Variants in COL25A1 observed in about 807,000 individuals in gnomAD.
The protein encoded by COL25A1 is collagen alpha-1(XXV) chain.
Under a neutral mutation model 128.4 loss-of-function variants are expected in COL25A1, and 103 were observed. That is an observed-to-expected ratio of 0.80 (90% confidence interval 0.68 to 0.94). The LOEUF is 0.94. Among genes scored for constraint, COL25A1 ranks in the 40% least tolerant of loss-of-function variants. The pLI, the probability that COL25A1 is intolerant of heterozygous loss-of-function variation, is 0.00. For synonymous variants in COL25A1, 279 were observed against 277.2 expected (o/e 1.01, Z -0.06); for missense variants, 745 against 840.0 (o/e 0.89, Z 1.40).
intron 19 of COL25A1, among the ~76,000 whole-genome samples, chr4:108,878,490 C>G (rs1739724537): frequency 6.6e-6 from 1 of 152,242 alleles, no homozygotes; most frequent in South Asian, 2.1e-4. Flanking sequence ...CAGCATGATA[C>G]CTGCTTTTGA....
At chr4:109,208,495 A>AC (rs953553669) in intron 3 of COL25A1, among the ~76,000 whole-genome samples, 6 of 151,818 alleles carry the variant, frequency 4.0e-5, no homozygotes, top group Admixed American at 6.6e-5. Context: ...AAAAAAAAAA[A>AC]AACAAATTAT....
At position 108,859,726 on chromosome 4, in the gene COL25A1, G is replaced by C. The variant is rs369465816; in HGVS notation, c.1250C>G (p.Pro417Arg). Residue 417 changes from proline to arginine, a missense_variant, in exon 24 of 38, where the codon CCT (proline) becomes CGT (arginine). Around this residue, in one of 3 missense-constraint regions of COL25A1, gnomAD observed 387 missense variants for 441.9 expected, o/e 0.88. Coordinates refer to ENST00000399132, the MANE Select transcript of COL25A1 (RefSeq NM_198721.4). ...DSGAQGPRGP[P>R]GQKGDQGATE... ...GGCTCCTTGATCCCCTTTTTGACCA[G>C]GTGGACCCTATGACAAAACCAATCA... The C allele has an allele frequency of 6.2e-7, 1 of 1,613,690 alleles. No individual in the cohort carries two copies. Among genetic ancestry groups the C allele is most frequent in the Non-Finnish European group, 8.5e-7 (1 of 1,179,806 alleles).
chr4:108,984,945 G>C (rs2126003745), intron 6 of COL25A1, among the ~76,000 whole-genome samples: 1 of 152,344 alleles, frequency 6.6e-6, no homozygotes, highest in African/African-American at 2.4e-5. Flanking sequence ...GTTTTATGAA[G>C]GGCCCCTAAG....
intron 3 of COL25A1, among the ~76,000 whole-genome samples, chr4:109,153,389 A>C (rs1016681130): frequency 9.9e-5 from 15 of 152,030 alleles, no homozygotes; most frequent in African/African-American, 3.6e-4. Flanking sequence ...CTCAAAAAAA[A>C]AAAAAAAAAA....
intron 3 of COL25A1, among the ~76,000 whole-genome samples, chr4:109,293,218 T>G (rs555085964): frequency 6.6e-6 from 1 of 152,044 alleles, no homozygotes; most frequent in Non-Finnish European, 1.5e-5. Context: ...AATACAAAGC[T>G]ATAACAGAGA....
At chr4:109,257,363 A>T (rs1490271360) in intron 3 of COL25A1, among the ~76,000 whole-genome samples, 2 of 152,238 alleles carry the variant, frequency 1.3e-5, no homozygotes, top group East Asian at 3.8e-4. Context: ...TGCTTAAAAC[A>T]GAAAGATAAT....
In COL25A1 at chr4:109,298,148, G is replaced by A. The variant is rs74989775; in HGVS notation, c.367+2435C>T. ...GTAAAATGAGACTGCTAATACTTCA[G>A]TCAGGGTCATTGTGAAAATTAAATT... On this transcript the variant is annotated intron_variant, in intron 3 of 37. Transcript: ENST00000399132. Among the ~76,000 whole-genome samples the A allele has an allele frequency of 8.6e-5, 13 of 152,010 alleles. No homozygotes were observed. The East Asian group carries it at 2.3e-3, about 27-fold the overall frequency.
intron 3 of COL25A1, among the ~76,000 whole-genome samples, chr4:109,228,991 T>A (rs1356961129): frequency 1.3e-5 from 2 of 152,196 alleles, no homozygotes; most frequent in Non-Finnish European, 2.9e-5. Flanking sequence ...TTTTATACAA[T>A]CATATGGTAA....
Position 108,898,859 on chromosome 4 carries a change from G to A in COL25A1, c.861+295C>T, listed in dbSNP as rs1053929526. On this transcript the variant is annotated intron_variant, in intron 15 of 37. Coordinates refer to ENST00000399132, the MANE Select transcript of COL25A1 (RefSeq NM_198721.4). The stretch of plus-strand genomic sequence containing the variant: ...TAAATATTTGTTCTGAAGGTACATC[G>A]GCACCTTTCTCTTTATTTTTTAAAA... Among the ~76,000 whole-genome samples the A allele has an allele frequency of 8.6e-5, 13 of 151,892 alleles. No homozygotes were observed. The South Asian group carries it at 1.5e-3, about 17-fold the overall frequency.
At chr4:109,049,906 T>C (rs1236697514) in intron 4 of COL25A1, among the ~76,000 whole-genome samples, 1 of 152,226 alleles carries the variant, frequency 6.6e-6, no homozygotes, top group Non-Finnish European at 1.5e-5. Flanking sequence ...CAATTGTTAC[T>C]AAACTGCAAT....
chr4:109,028,648 C>A (rs1758542169), intron 5 of COL25A1, among the ~76,000 whole-genome samples: 1 of 152,032 alleles, frequency 6.6e-6, no homozygotes, highest in South Asian at 2.1e-4. Flanking sequence ...ATTACTTGAA[C>A]CCAGGAGGCG....
In COL25A1 at chr4:109,295,314, G is replaced by A. The variant is rs117950506; in HGVS notation, c.367+5269C>T. Reference sequence around the variant, plus strand: ...GCTGTCACTCCTGGACCAACTAAAAGTGTTAGATCCACACTGTTGTACTCA... The same window carrying A: ...GCTGTCACTCCTGGACCAACTAAAAATGTTAGATCCACACTGTTGTACTCA... On this transcript the variant is annotated intron_variant, in intron 3 of 37. Transcript: ENST00000399132. Among the ~76,000 whole-genome samples, 1,234 of 151,904 alleles carry A rather than the reference G, an allele frequency of 8.1e-3. 44 individuals are homozygous for A. In the South Asian group the frequency reaches 0.13, roughly 16 times the overall value.
intron 6 of COL25A1, among the ~76,000 whole-genome samples, chr4:109,006,714 A>G (rs1371857890): frequency 6.6e-6 from 1 of 152,198 alleles, no homozygotes; most frequent in African/African-American, 2.4e-5. Flanking sequence ...TCTGCTGCAC[A>G]TATTGATAAT....
At chr4:108,976,109 C>A (rs1022857260) in intron 6 of COL25A1, among the ~76,000 whole-genome samples, 3 of 152,048 alleles carry the variant, frequency 2.0e-5, no homozygotes, top group Non-Finnish European at 4.4e-5. Context: ...TTTTTATATT[C>A]CACTTAAGAA....
chr4:108,873,568 T>TAGTAGTAGTAGTAGTAGC (rs528864282), intron 19 of COL25A1, among the ~76,000 whole-genome samples: 24 of 144,978 alleles, frequency 1.7e-4, no homozygotes, highest in Middle Eastern at 3.6e-3. Flanking sequence ...GTAGCAGCAG[T>TAGTAGTAGTAGTAGTAGC]AGCAGCAGTA....
At chr4:109,137,964 A>C (rs1482162876) in intron 3 of COL25A1, among the ~76,000 whole-genome samples, 1 of 151,286 alleles carries the variant, frequency 6.6e-6, no homozygotes, top group African/African-American at 2.4e-5. Flanking sequence ...GAGAAAACAG[A>C]AATTTCATTT....
At chr4:109,153,616 G>A (rs17039971) in intron 3 of COL25A1, among the ~76,000 whole-genome samples, 2,310 of 152,160 alleles carry the variant, frequency 0.015, 52 homozygotes, top group African/African-American at 0.051. Flanking sequence ...CGCCTTGATC[G>A]ATTTTTGTGA....
intron 6 of COL25A1, among the ~76,000 whole-genome samples, chr4:109,006,933 G>A (rs573087607): frequency 2.8e-4 from 43 of 152,200 alleles, no homozygotes; most frequent in Admixed American, 8.5e-4. Context: ...AAAGAGCATC[G>A]GGAAGAATAG....
At chr4:109,022,453 G>A (rs1417239197) in intron 5 of COL25A1, among the ~76,000 whole-genome samples, 1 of 152,232 alleles carries the variant, frequency 6.6e-6, no homozygotes, top group Non-Finnish European at 1.5e-5. Context: ...TACTTGTCAT[G>A]TGGATGGAAA....
Sources: allele counts gnomAD v4.1 joint callset (sites outside exome capture counted in the v4.1 genomes callset), GRCh38; gene constraint gnomAD v4.1.1; regional missense constraint gnomAD v4.1.1; transcripts MANE v1.5; gene names NCBI Gene and HGNC (gene_info 2026-07-23, HGNC 2026-07-21).